MAGI1: variants seen among roughly 807,000 people sequenced by gnomAD.
MAGI1 encodes membrane-associated guanylate kinase, WW and PDZ domain-containing protein 1.
MAGI1 carries 58 observed loss-of-function variants against 139.9 expected under a neutral mutation model. The ratio of observed to expected loss-of-function variants is 0.41; its 90% CI spans 0.34 to 0.52. MAGI1 has a LOEUF of 0.52. Ranked by LOEUF, MAGI1 falls within the 20% of genes least tolerant of loss-of-function variation. The pLI, the probability that MAGI1 is intolerant of heterozygous loss-of-function variation, is 0.12. For synonymous variants in MAGI1, 812 were observed against 737.9 expected, an observed-to-expected ratio of 1.10 and a Z score of -1.63; for missense variants, 1,874 against 1,901.6, an observed-to-expected ratio of 0.99 and a Z score of 0.27.
intron 1 of MAGI1, among the ~76,000 whole-genome samples, chr3:65,868,169 C>CAGT (rs2059795465): frequency 6.6e-6 from 1 of 152,152 alleles, no homozygotes; most frequent in Non-Finnish European, 1.5e-5. Context: ...CTTTAAGAAA[C>CAGT]TAACTGTTAT....
At chr3:65,755,514 T>A (rs1199605270) in intron 1 of MAGI1, among the ~76,000 whole-genome samples, 1 of 147,352 alleles carries the variant, frequency 6.8e-6, no homozygotes, top group Non-Finnish European at 1.5e-5. Context: ...ACAGTGGGGG[T>A]GGTAATTAGA....
At chr3:65,878,629 A>G (rs1030173422) in intron 1 of MAGI1, among the ~76,000 whole-genome samples, 5 of 152,154 alleles carry the variant, frequency 3.3e-5, no homozygotes, top group African/African-American at 1.2e-4. Context: ...CCCCAATATT[A>G]GAAGGAAGAA....
Position 65,364,931 on chromosome 3 carries a change from G to A in MAGI1, c.3212C>T (p.Thr1071Ile). 1 of 1,613,908 alleles carries A rather than the reference G, an allele frequency of 6.2e-7. No homozygotes were observed. The highest frequency in any genetic ancestry group is 8.5e-7 in the Non-Finnish European group (1 of 1,179,884). The stretch of plus-strand genomic sequence containing the variant: ...AATCTTCTCTGCATTGGTCAGCAAG[G>A]TGGCATTCGAGGACTCTGCAAAGAG... ...IIPGDESSNA[T>I]LLTNAEKIAT... Residue 1071 changes from threonine to isoleucine, a missense_variant, in exon 19 of 23, where the codon ACC becomes ATC. Physicochemically the swap from Thr to Ile is moderately conservative, Grantham distance 89. Transcript: ENST00000402939.
chr3:65,549,411 C>CGG, intron 2 of MAGI1: 1 of 985,216 alleles, frequency 1.0e-6, no homozygotes, highest in Non-Finnish European at 1.2e-6. Flanking sequence ...CCGTTACCTG[C>CGG]GGGCCCCGGA....
intron 4 of MAGI1, among the ~76,000 whole-genome samples, chr3:65,476,234 G>GA (rs1261024174): frequency 2.6e-5 from 4 of 152,142 alleles, no homozygotes; most frequent in African/African-American, 9.7e-5. Context: ...TAAGTGAGGG[G>GA]ACAGTCAACG....
At position 65,493,492 on chromosome 3, in the gene MAGI1, C is replaced by T; in HGVS notation, c.550+20G>A. 1 of 1,614,038 alleles carries T rather than the reference C, an allele frequency of 6.2e-7. No individual in the cohort carries two copies. The highest frequency in any genetic ancestry group is 8.5e-7 in the Non-Finnish European group (1 of 1,179,958). ...GTACCCAGGAGAGAAGCTTTTTATG[C>T]TGTCGTACAAGTAACTCACCTTCAT... is the stretch of plus-strand genomic sequence containing the variant. On this transcript the variant is annotated intron_variant, in intron 3 of 22. Coordinates refer to ENST00000402939, the MANE Select transcript of MAGI1 (RefSeq NM_001033057.2).
At chr3:65,811,277 A>G (rs950624262) in intron 1 of MAGI1, among the ~76,000 whole-genome samples, 14 of 152,194 alleles carry the variant, frequency 9.2e-5, no homozygotes, top group African/African-American at 2.9e-4. Flanking sequence ...ACAAACAATG[A>G]AAGACTATAT....
At chr3:65,480,526 T>A (rs1226165218) in intron 3 of MAGI1, among the ~76,000 whole-genome samples, 2 of 139,232 alleles carry the variant, frequency 1.4e-5, no homozygotes, top group Non-Finnish European at 3.1e-5. Context: ...AAGAACTAGA[T>A]CCTATCTCAA....
chr3:65,568,648 C>G (rs146285623), intron 2 of MAGI1, among the ~76,000 whole-genome samples: 1 of 152,158 alleles, frequency 6.6e-6, no homozygotes, highest in Non-Finnish European at 1.5e-5. Flanking sequence ...TGGGCAAAAC[C>G]TTGTGCAGGG....
At chr3:65,754,241 G>A (rs540306283) in intron 1 of MAGI1, among the ~76,000 whole-genome samples, 1 of 152,126 alleles carries the variant, frequency 6.6e-6, no homozygotes, top group Non-Finnish European at 1.5e-5. Flanking sequence ...AAAGAATCAA[G>A]CAAATATGCC....
chr3:65,728,366 T>C (rs2033840289), intron 1 of MAGI1, among the ~76,000 whole-genome samples: 2 of 152,150 alleles, frequency 1.3e-5, no homozygotes, highest in African/African-American at 4.8e-5. Flanking sequence ...CGTGGGATCA[T>C]AGAGCCCATG....
intron 14 of MAGI1, chr3:65,387,347 T>C (rs1309495399): frequency 9.0e-6 from 6 of 665,500 alleles, no homozygotes; most frequent in African/African-American, 5.5e-5. Flanking sequence ...AGGTCATGGC[T>C]GTTATGTTAA....
intron 12 of MAGI1, among the ~76,000 whole-genome samples, chr3:65,410,978 G>A (rs1447859922): frequency 1.3e-5 from 2 of 152,088 alleles, no homozygotes; most frequent in African/African-American, 2.4e-5. Flanking sequence ...GAAAAGATAT[G>A]GAATGAGTCA....
chr3:65,705,776 TGAAAC>T (rs1272464390), intron 1 of MAGI1, among the ~76,000 whole-genome samples: 1 of 152,216 alleles, frequency 6.6e-6, no homozygotes, highest in Admixed American at 6.5e-5. Flanking sequence ...CTCACTAATA[TGAAAC>T]GAACTTTTAA....
intron 5 of MAGI1, among the ~76,000 whole-genome samples, chr3:65,468,518 G>A (rs1231568154): frequency 6.6e-6 from 1 of 151,654 alleles, no homozygotes; most frequent in African/African-American, 2.4e-5. Flanking sequence ...TGGGACTATA[G>A]GCATGCACCA....
rs776328637 is a variant in MAGI1 at position 65,391,170 on chromosome 3, G to C, written c.2388C>G (p.Ala796=). The change falls in exon 14 of 23, where the codon GCC becomes GCG. Residue 796 remains alanine, a synonymous_variant. Transcript: ENST00000402939. ...QKKPDPFKIW[A]QSRSMYENRL... ...GGTTTTCATACATGCTCCTGGACTG[G>C]GCCCAGATTTTAAAAGGATCTGGTT... 7 of 1,614,208 alleles carry C rather than the reference G, an allele frequency of 4.3e-6. No homozygotes were observed. The highest frequency in any genetic ancestry group is 2.2e-5 in the South Asian group (2 of 91,088).
At chr3:65,743,669 C>T (rs905256709) in intron 1 of MAGI1, among the ~76,000 whole-genome samples, 93 of 151,214 alleles carry the variant, frequency 6.2e-4, no homozygotes, top group African/African-American at 2.0e-3. Context: ...GAGATTGTGC[C>T]ACTGCACTCC....
At chr3:65,460,144 T>C (rs1159420373) in intron 5 of MAGI1, among the ~76,000 whole-genome samples, 2 of 152,220 alleles carry the variant, frequency 1.3e-5, no homozygotes, top group African/African-American at 2.4e-5. Context: ...TCTGCATCGA[T>C]TCATATGAGC....
intron 1 of MAGI1, among the ~76,000 whole-genome samples, chr3:65,830,508 T>C (rs1294383853): frequency 1.3e-5 from 2 of 152,172 alleles, no homozygotes; most frequent in African/African-American, 4.8e-5. Flanking sequence ...AATGCTAAGT[T>C]AATGGGCTGC....
Sources: allele counts gnomAD v4.1 joint callset (sites outside exome capture counted in the v4.1 genomes callset), GRCh38; gene constraint gnomAD v4.1.1; transcripts MANE v1.5; gene names NCBI Gene and HGNC (gene_info 2026-07-23, HGNC 2026-07-21).